Variants in CACNA2D3 observed in about 807,000 individuals in gnomAD.
CACNA2D3 encodes the protein voltage-dependent calcium channel subunit alpha-2/delta-3.
CACNA2D3 carries 60 observed loss-of-function variants against 160.6 expected under a neutral mutation model. The observed-to-expected ratio is 0.37, with a 90% confidence interval of 0.30 to 0.46. CACNA2D3 has a LOEUF of 0.46. Ranked by LOEUF, CACNA2D3 falls within the 20% of genes least tolerant of loss-of-function variation. CACNA2D3 has a pLI of 1.00. For missense variants in CACNA2D3, 1,205 were observed against 1,365.0 expected, an observed-to-expected ratio of 0.88 and a Z score of 1.85; for synonymous variants, 558 against 492.9, an observed-to-expected ratio of 1.13 and a Z score of -1.75.
chr3:55,018,174 C>G, intron 34 of CACNA2D3, 32 bp from the exon 35 acceptor site: 1 of 1,441,504 alleles, frequency 6.9e-7, no homozygotes, highest in Non-Finnish European at 9.7e-7. Flanking sequence ...GCCTTGCATT[C>G]TTTACCTTTT....
intron 2 of CACNA2D3, among the ~76,000 whole-genome samples, chr3:54,293,279 T>C: frequency 6.6e-6 from 1 of 152,152 alleles, no homozygotes. Flanking sequence ...TGGTAATTTC[T>C]GAGAATTTGG....
At chr3:54,259,237 G>C (rs967660666) in intron 2 of CACNA2D3, among the ~76,000 whole-genome samples, 6 of 152,222 alleles carry the variant, frequency 3.9e-5, no homozygotes, top group Admixed American at 3.9e-4. Flanking sequence ...CACCAGGTTG[G>C]CTAAGCTGAT....
chr3:54,642,048 A>G (rs115605146), intron 10 of CACNA2D3, 80 bp from the exon 11 acceptor site: 20 of 805,266 alleles, frequency 2.5e-5, no homozygotes, highest in Middle Eastern at 2.4e-4. Flanking sequence ...CCTTAGTCCC[A>G]GGTCTCATGT....
At chr3:54,406,697 G>T (rs1172589533) in intron 4 of CACNA2D3, among the ~76,000 whole-genome samples, 1 of 151,962 alleles carries the variant, frequency 6.6e-6, no homozygotes, top group African/African-American at 2.4e-5. Flanking sequence ...GTAGGTCAAA[G>T]AATACAAAAT....
chr3:54,433,618 G>A (rs529718073), intron 4 of CACNA2D3, among the ~76,000 whole-genome samples: 22 of 152,268 alleles, frequency 1.4e-4, no homozygotes, highest in East Asian at 3.9e-4. Context: ...ACAAATGAGC[G>A]TAGGAAGACT....
intron 11 of CACNA2D3, among the ~76,000 whole-genome samples, chr3:54,644,332 AG>A (rs1699589896): frequency 6.6e-6 from 1 of 152,022 alleles, no homozygotes; most frequent in Non-Finnish European, 1.5e-5. Flanking sequence ...CTGTAGCAAA[AG>A]GGTCTTCTTT....
At chr3:54,155,850 G>A (rs1392339268) in intron 2 of CACNA2D3, among the ~76,000 whole-genome samples, 1 of 152,144 alleles carries the variant, frequency 6.6e-6, no homozygotes, top group African/African-American at 2.4e-5. Context: ...ACTTCAACAT[G>A]AACAAATTTT....
intron 31 of CACNA2D3, among the ~76,000 whole-genome samples, chr3:55,002,485 T>C (rs764680291): frequency 6.6e-6 from 1 of 152,212 alleles, no homozygotes; most frequent in Non-Finnish European, 1.5e-5. Context: ...CTGCAGTTGA[T>C]TCTGTGACAT....
intron 2 of CACNA2D3, among the ~76,000 whole-genome samples, chr3:54,260,671 A>G (rs371995461): frequency 4.6e-5 from 7 of 152,246 alleles, no homozygotes; most frequent in East Asian, 1.9e-4. Context: ...CACGTCTCCT[A>G]CTATTCTCCG....
chr3:54,480,038 C>G lies in CACNA2D3; in HGVS notation c.382-23454C>G, dbSNP rs142313579. 4.0e-3 allele frequency among the ~76,000 whole-genome samples: 605 copies of G among 152,178 alleles called. 4 individuals carry two copies. Among genetic ancestry groups the G allele is most frequent in the African/African-American group, 0.014 (571 of 41,532 alleles). On this transcript the variant is annotated intron_variant, in intron 4 of 37. Transcript: ENST00000474759. ...ATTGCTCATCCCCAAACTCCATGTG[C>G]CTGCACATGCTCACACAAGTCGAAT...
At chr3:55,053,980 T>C (rs540620650) in intron 35 of CACNA2D3, among the ~76,000 whole-genome samples, 9 of 152,062 alleles carry the variant, frequency 5.9e-5, no homozygotes, top group Admixed American at 3.3e-4. Context: ...TCCTCTTTTT[T>C]TTCTGTCTTT....
intron 13 of CACNA2D3, among the ~76,000 whole-genome samples, chr3:54,793,637 GCC>G (rs1294651313): frequency 1.3e-5 from 2 of 152,188 alleles, no homozygotes; most frequent in Non-Finnish European, 2.9e-5. Context: ...AATGGATGAG[GCC>G]ATCCCCCACG....
chr3:54,489,079 G>T (rs1232070848), intron 4 of CACNA2D3, among the ~76,000 whole-genome samples: 1 of 152,164 alleles, frequency 6.6e-6, no homozygotes, highest in East Asian at 1.9e-4. Context: ...CTGAATGGAG[G>T]GAGCAGTGGG....
chr3:54,562,950 A>G lies in CACNA2D3; in HGVS notation c.676+19A>G. ...TATCCGGGTGAGTATACCTGCATTGACAGTTATGACTCAGATTAATGATAA... is the reference window on the plus strand; with the variant it reads ...TATCCGGGTGAGTATACCTGCATTGGCAGTTATGACTCAGATTAATGATAA... On this transcript the variant is annotated intron_variant, in intron 6 of 37. Transcript: ENST00000474759. 6.2e-7 allele frequency: 1 copy of G among 1,608,940 alleles called. No individual in the cohort carries two copies. Among genetic ancestry groups the G allele is most frequent in the South Asian group, 1.1e-5 (1 of 90,712 alleles).
chr3:54,147,098 A>G (rs1276009963), intron 2 of CACNA2D3, among the ~76,000 whole-genome samples: 1 of 152,262 alleles, frequency 6.6e-6, no homozygotes, highest in Non-Finnish European at 1.5e-5. Context: ...CACGCCTACC[A>G]AAAAAGATGA....
At chr3:54,846,333 G>A (rs1698930953) in intron 16 of CACNA2D3, 60 bp from the exon 17 acceptor site, 1 of 1,103,922 alleles carries the variant, frequency 9.1e-7, no homozygotes, top group African/African-American at 1.5e-5. Flanking sequence ...GCTGCTTTAT[G>A]CTTTGTGAAT....
At chr3:54,443,593 G>A (rs1364647437) in intron 4 of CACNA2D3, among the ~76,000 whole-genome samples, 1 of 152,142 alleles carries the variant, frequency 6.6e-6, no homozygotes, top group Non-Finnish European at 1.5e-5. Context: ...TGTCCACCAA[G>A]TGTTTTCCTG....
intron 14 of CACNA2D3, among the ~76,000 whole-genome samples, chr3:54,821,697 T>TTTCCTTCC (rs71096452): frequency 0.078 from 6,563 of 83,726 alleles, 477 homozygotes; most frequent in Middle Eastern, 0.14. Flanking sequence ...TCTTTCTTTC[T>TTTCCTTCC]TTCCTTCCTT....
intron 8 of CACNA2D3, among the ~76,000 whole-genome samples, chr3:54,578,350 A>G (rs1395542903): frequency 6.6e-6 from 1 of 152,244 alleles, no homozygotes; most frequent in African/African-American, 2.4e-5. Flanking sequence ...TTGTAAATAT[A>G]TATGGCTCTT....
Sources: gnomAD v4.1 joint callset for allele counts (sites outside exome capture counted in the v4.1 genomes callset) on GRCh38, gnomAD v4.1.1 for gene constraint, MANE v1.5 for transcripts, NCBI Gene and HGNC (gene_info 2026-07-23, HGNC 2026-07-21) for gene names.